GALNT17: variants seen among roughly 807,000 people sequenced by gnomAD.
GALNT17 encodes the protein polypeptide N-acetylgalactosaminyltransferase 17.
Under a neutral mutation model 63.7 loss-of-function variants are expected in GALNT17, and 29 were observed. That is an observed-to-expected ratio of 0.46 (90% CI 0.34 to 0.62). The LOEUF (loss-of-function observed/expected upper bound fraction) is 0.62. Among genes scored for constraint, GALNT17 ranks in the 20% least tolerant of loss-of-function variants. The probability of loss-of-function intolerance (pLI) is 0.01; values close to 1 mark genes in which losing one functional copy is unlikely to be tolerated. For missense variants in GALNT17, 603 were observed against 799.6 expected (o/e 0.75, Z 2.97); for synonymous variants, 305 against 318.3 (o/e 0.96, Z 0.45).
chr7:71,359,506 C>A (rs1033684015), intron 2 of GALNT17, among the ~76,000 whole-genome samples: 1 of 152,170 alleles, frequency 6.6e-6, no homozygotes, highest in Non-Finnish European at 1.5e-5. Context: ...TTCCAGTAGA[C>A]CCCCGACTCC....
chr7:71,377,005 G>A (rs1409016761), intron 2 of GALNT17, among the ~76,000 whole-genome samples: 1 of 148,402 alleles, frequency 6.7e-6, no homozygotes, highest in Non-Finnish European at 1.5e-5. Flanking sequence ...AGAATCACTT[G>A]AGGCCAGAAG....
intron 5 of GALNT17, among the ~76,000 whole-genome samples, chr7:71,500,900 G>C (rs928260361): frequency 4.6e-5 from 7 of 152,042 alleles, no homozygotes; most frequent in African/African-American, 1.4e-4. Context: ...TATCGATCTA[G>C]TTTAGATTCC....
chr7:71,205,392 T>C (rs1789253657), intron 1 of GALNT17, among the ~76,000 whole-genome samples: 1 of 152,122 alleles, frequency 6.6e-6, no homozygotes. Context: ...GACCTCGTGA[T>C]CCGCCTGCCT....
chr7:71,638,977 G>A (rs1026027088), intron 6 of GALNT17, among the ~76,000 whole-genome samples: 23 of 151,746 alleles, frequency 1.5e-4, no homozygotes, highest in Non-Finnish European at 2.9e-5. Flanking sequence ...ATGGTTAATG[G>A]GTAAAAAATA....
chr7:71,296,605 G>T (rs1791083775), intron 1 of GALNT17, among the ~76,000 whole-genome samples: 2 of 146,412 alleles, frequency 1.4e-5, no homozygotes, highest in South Asian at 4.5e-4. Flanking sequence ...AACAGAGCGA[G>T]ACTCCATCTA....
intron 5 of GALNT17, among the ~76,000 whole-genome samples, chr7:71,565,741 T>G (rs1293206709): frequency 6.6e-6 from 1 of 152,100 alleles, no homozygotes; most frequent in African/African-American, 2.4e-5. Flanking sequence ...AGCCACAGCA[T>G]GGTCCCACAG....
intron 8 of GALNT17, 41 bp downstream of exon 8, chr7:71,670,150 C>T: frequency 6.2e-7 from 1 of 1,612,868 alleles, no homozygotes; most frequent in Admixed American, 1.7e-5. Context: ...GAATGCTGTT[C>T]AATATGCTGT....
intron 1 of GALNT17, among the ~76,000 whole-genome samples, chr7:71,321,554 T>C (rs1791605265): frequency 6.6e-6 from 1 of 152,210 alleles, no homozygotes. Context: ...GTTCTAGATC[T>C]AACACTTCAG....
intron 4 of GALNT17, among the ~76,000 whole-genome samples, chr7:71,419,653 GGT>G (rs2116448219): frequency 6.6e-6 from 1 of 152,258 alleles, no homozygotes; most frequent in African/African-American, 2.4e-5. Context: ...GGTGGTACTT[GGT>G]CTTGGGACCA....
chr7:71,191,047 G>C (rs1788943626), intron 1 of GALNT17, among the ~76,000 whole-genome samples: 1 of 152,052 alleles, frequency 6.6e-6, no homozygotes. Context: ...TCATTTTTTG[G>C]GGGTTTTAAA....
At chr7:71,212,889 G>T (rs1789408506) in intron 1 of GALNT17, among the ~76,000 whole-genome samples, 1 of 152,140 alleles carries the variant, frequency 6.6e-6, no homozygotes, top group South Asian at 2.1e-4. Context: ...GCTTGCTTTT[G>T]ATTTTATAGG....
rs535855128 is a variant in GALNT17, at chr7:71,668,011, C to A, written c.1267-1961C>A. ...ACAAGGTTTTGCCACGTTGCCCAGG[C>A]TGGTCTTGAACTCTTTGGCTCAAGC... On this transcript the variant is annotated intron_variant, in intron 7 of 10. Transcript: ENST00000333538. 1.1e-3 allele frequency among the ~76,000 whole-genome samples: 163 copies of A among 152,250 alleles called. 1 individual carries two copies. The highest frequency in any genetic ancestry group is 3.4e-3 in the Middle Eastern group (1 of 294).
At chr7:71,571,496 C>A in intron 6 of GALNT17, 94 bp downstream of exon 6, 2 of 957,942 alleles carry the variant, frequency 2.1e-6, no homozygotes, top group Non-Finnish European at 3.4e-6. Context: ...CTCCTTACAG[C>A]TGATGAATGA....
intron 9 of GALNT17, among the ~76,000 whole-genome samples, chr7:71,700,068 G>C (rs1228219045): frequency 6.6e-6 from 1 of 151,912 alleles, no homozygotes; most frequent in Non-Finnish European, 1.5e-5. Context: ...AAGGCGGGCA[G>C]ATCACTTGAG....
intron 1 of GALNT17, among the ~76,000 whole-genome samples, chr7:71,325,121 C>G (rs1490066538): frequency 6.6e-6 from 1 of 152,208 alleles, no homozygotes; most frequent in Non-Finnish European, 1.5e-5. Context: ...GGTGGCTCCT[C>G]AAACCCCCAG....
At chr7:71,433,008 A>G (rs1193931977) in intron 5 of GALNT17, among the ~76,000 whole-genome samples, 8 of 152,070 alleles carry the variant, frequency 5.3e-5, no homozygotes, top group Non-Finnish European at 1.0e-4. Flanking sequence ...ACAGGGTTTC[A>G]CCATGTTGGC....
intron 3 of GALNT17, among the ~76,000 whole-genome samples, chr7:71,388,918 G>A (rs117435198): frequency 0.014 from 2,122 of 152,220 alleles, 24 homozygotes; most frequent in Middle Eastern, 0.027. Context: ...CAGGGCCATG[G>A]ACCAATAGCA....
chr7:71,620,086 C>A (rs539255941), intron 6 of GALNT17, among the ~76,000 whole-genome samples: 3 of 152,276 alleles, frequency 2.0e-5, no homozygotes, highest in African/African-American at 7.2e-5. Context: ...GTTGGTGAAT[C>A]ACACTTAGTG....
intron 1 of GALNT17, among the ~76,000 whole-genome samples, chr7:71,180,635 G>A (rs1348423016): frequency 6.6e-6 from 1 of 152,134 alleles, no homozygotes; most frequent in Non-Finnish European, 1.5e-5. Context: ...TAAATGGCTT[G>A]CCCTTTTCAT....
Sources: gnomAD v4.1 joint callset for allele counts (sites outside exome capture counted in the v4.1 genomes callset) on GRCh38, gnomAD v4.1.1 for gene constraint, MANE v1.5 for transcripts, NCBI Gene and HGNC (gene_info 2026-07-23, HGNC 2026-07-21) for gene names.